The following PCDHA3 variants were observed in gnomAD, a reference collection of about 807,000 sequenced individuals.
The protein encoded by PCDHA3 is protocadherin alpha 3.
A neutral mutation model predicts 62.2 loss-of-function variants in PCDHA3; 41 were observed. The observed-to-expected ratio is 0.66, with a 90% CI of 0.51 to 0.86. The LOEUF (loss-of-function observed/expected upper bound fraction) is 0.86. Ranked by LOEUF, PCDHA3 falls within the 40% of genes least tolerant of loss-of-function variation. The probability of loss-of-function intolerance (pLI) is 0.00; values close to 1 mark genes in which losing one functional copy is unlikely to be tolerated. For missense variants in PCDHA3, 1,304 were observed against 1,241.2 expected (o/e 1.05, Z -0.76); for synonymous variants, 640 against 555.4 (o/e 1.15, Z -2.14).
At chr5:140,926,685 A>C in intron 1 of PCDHA3, 1 of 665,408 alleles carries the variant, frequency 1.5e-6, no homozygotes, top group Non-Finnish European at 2.3e-6. Context: ...CCTCCAGCCT[A>C]GCAAGCCCGG....
intron 1 of PCDHA3, chr5:140,848,706 C>A (rs2150418265): frequency 6.3e-7 from 1 of 1,592,212 alleles, no homozygotes; most frequent in African/African-American, 1.3e-5. Context: ...TTCCAAAGGC[C>A]GCGGGGACCT....
chr5:140,807,595 A>G (rs1205314334), intron 1 of PCDHA3: 3 of 1,614,194 alleles, frequency 1.9e-6, no homozygotes, highest in Non-Finnish European at 2.5e-6. Flanking sequence ...TCCCAGCAAC[A>G]CAAAAGAACC....
At chr5:140,858,042 T>C in intron 1 of PCDHA3, 1 of 1,597,284 alleles carries the variant, frequency 6.3e-7, no homozygotes, top group Non-Finnish European at 8.6e-7. Context: ...GCCACTGTGC[T>C]TGTGTCGCTT....
chr5:140,870,919 C>T (rs1562653740), intron 1 of PCDHA3: 1 of 1,613,952 alleles, frequency 6.2e-7, no homozygotes, highest in Non-Finnish European at 8.5e-7. Context: ...CAACGCGTGG[C>T]TTTCATATGA....
chr5:140,876,473 G>A, intron 1 of PCDHA3: 1 of 1,614,038 alleles, frequency 6.2e-7, no homozygotes, highest in South Asian at 1.1e-5. Context: ...GCAGGTCACA[G>A]CATGGTCCTG....
intron 1 of PCDHA3, among the ~76,000 whole-genome samples, chr5:140,945,918 C>T (rs782600130): frequency 1.2e-4 from 18 of 152,106 alleles, no homozygotes; most frequent in Admixed American, 2.6e-4. Context: ...ATCAATAACA[C>T]TGATCTGAGC....
intron 1 of PCDHA3, among the ~76,000 whole-genome samples, chr5:140,939,338 G>A (rs2092369072): frequency 6.6e-6 from 1 of 152,116 alleles, no homozygotes; most frequent in South Asian, 2.1e-4. Context: ...TTAGGGGTTA[G>A]CATTTCAACT....
At chr5:140,882,408 G>T in intron 1 of PCDHA3, 2 of 1,614,138 alleles carry the variant, frequency 1.2e-6, no homozygotes, top group Non-Finnish European at 8.5e-7. Flanking sequence ...TTCGTGGGCC[G>T]CATCGCTCAG....
At chr5:140,861,581 T>C (rs1243387936) in intron 1 of PCDHA3, 6 of 358,060 alleles carry the variant, frequency 1.7e-5, no homozygotes, top group East Asian at 7.9e-5. Flanking sequence ...AGGTTTTCCA[T>C]GTGGAGGTGA....
rs782250124 is a variant in PCDHA3, at chr5:140,870,603, C to G, written c.2394+67012C>G. 14 of 1,613,222 alleles carry G rather than the reference C, an allele frequency of 8.7e-6. No individual in the cohort carries two copies. In the Middle Eastern group the frequency reaches 5.0e-4, roughly 58 times the overall value. On this transcript the variant is annotated intron_variant, in intron 1 of 3. Coordinates refer to ENST00000522353, the MANE Select transcript of PCDHA3 (RefSeq NM_018906.3). ...CGCTGGTGGAGCGGCGGTTGGGCGA[C>G]CGCGCGCTGTCGAGCTACGTGTCGG...
Position 140,835,629 on chromosome 5 carries a change from G to GA in PCDHA3, c.2394+32039dup, listed in dbSNP as rs2150239945. The GA allele has an allele frequency of 2.5e-6, 4 of 1,613,910 alleles. No homozygotes were observed. The East Asian group carries it at 6.7e-5, about 27-fold the overall frequency. ...GGTGCTGGACAGCGCTCTGGACCGC[G>GA]AGAGTGTGTCCGCCTATGAGCTGGT... is the stretch of plus-strand genomic sequence containing the variant. On this transcript the variant is annotated intron_variant, in intron 1 of 3. Transcript: ENST00000522353.
At chr5:140,815,435 T>G (rs1765725107) in intron 1 of PCDHA3, 1 of 152,166 alleles carries the variant, frequency 6.6e-6, no homozygotes, top group Non-Finnish European at 1.5e-5. Context: ...TGATAGCATC[T>G]TTACTACAAT....
chr5:140,863,564 A>G (rs1426185409), intron 1 of PCDHA3: 3 of 374,440 alleles, frequency 8.0e-6, no homozygotes, highest in Non-Finnish European at 1.6e-5. Context: ...ATTTTTGAGA[A>G]TATAAGTACT....
At chr5:140,917,117 C>A (rs1318149439) in intron 1 of PCDHA3, among the ~76,000 whole-genome samples, 1 of 152,018 alleles carries the variant, frequency 6.6e-6, no homozygotes, top group Non-Finnish European at 1.5e-5. Flanking sequence ...CCTCCAAGTG[C>A]GCAGACTCCC....
intron 1 of PCDHA3, among the ~76,000 whole-genome samples, chr5:140,962,176 C>T (rs1554225858): frequency 6.6e-6 from 1 of 152,104 alleles, no homozygotes; most frequent in Admixed American, 6.6e-5. Flanking sequence ...CACCCGGCCA[C>T]TTATATCACT....
intron 1 of PCDHA3, chr5:140,876,109 A>T: frequency 6.2e-7 from 1 of 1,613,946 alleles, no homozygotes; most frequent in Non-Finnish European, 8.5e-7. Context: ...TTTATTGCTG[A>T]TGGTAATCGA....
chr5:140,936,272 C>T lies in PCDHA3; in HGVS notation c.2395-42677C>T, dbSNP rs1303356923. 2.0e-5 allele frequency among the ~76,000 whole-genome samples: 3 copies of T among 152,254 alleles called. No individual in the cohort carries two copies. In the East Asian group the frequency reaches 5.8e-4, roughly 29 times the overall value. On this transcript the variant is annotated intron_variant, in intron 1 of 3. Transcript: ENST00000522353. Reference sequence around the variant, plus strand: ...TGCTTCAAGTCATGAAGATATATTCCTGTGTTTTCTTCTATAACATTGCTA... The same window carrying T: ...TGCTTCAAGTCATGAAGATATATTCTTGTGTTTTCTTCTATAACATTGCTA...
chr5:140,809,449 G>T, intron 1 of PCDHA3: 1 of 1,614,260 alleles, frequency 6.2e-7, no homozygotes, highest in Non-Finnish European at 8.5e-7. Flanking sequence ...CGCAGCAGAG[G>T]AGGCCGAGGG....
chr5:140,839,279 C>T (rs1208423796), intron 1 of PCDHA3, among the ~76,000 whole-genome samples: 7 of 151,924 alleles, frequency 4.6e-5, no homozygotes, highest in Non-Finnish European at 1.0e-4. Context: ...TAAAACCTTC[C>T]TAGCATATTA....
Sources: allele counts gnomAD v4.1 joint callset (sites outside exome capture counted in the v4.1 genomes callset), GRCh38; gene constraint gnomAD v4.1.1; transcripts MANE v1.5; gene names NCBI Gene and HGNC (gene_info 2026-07-23, HGNC 2026-07-21).